Variants in SLC9C1 observed in about 807,000 individuals in gnomAD.
SLC9C1 encodes sodium/hydrogen exchanger 10.
In SLC9C1, 97 loss-of-function variants were observed where a neutral mutation model predicts 140.9. The observed-to-expected ratio is 0.69, with a 90% CI of 0.58 to 0.82. The LOEUF (loss-of-function observed/expected upper bound fraction) is 0.82. SLC9C1 is among the 40% of genes least tolerant of loss of function. The pLI is 0.00. For missense variants in SLC9C1, 1,340 were observed against 1,389.3 expected (o/e 0.96, Z 0.56); for synonymous variants, 440 against 442.6 (o/e 0.99, Z 0.07).
chr3:112,275,792 C>T (rs1049675843), intron 5 of SLC9C1, among the ~76,000 whole-genome samples: 1 of 152,134 alleles, frequency 6.6e-6, no homozygotes, highest in Admixed American at 6.6e-5. Flanking sequence ...CTGTGTGGCT[C>T]AATTGCCTTG....
chr3:112,159,131 A>G (rs940736073), intron 26 of SLC9C1, among the ~76,000 whole-genome samples: 8 of 151,030 alleles, frequency 5.3e-5, no homozygotes, highest in Non-Finnish European at 8.9e-5. Context: ...GTGGGTATTT[A>G]TTGCTATAGA....
chr3:112,210,158 C>G (rs1286330711), intron 15 of SLC9C1, among the ~76,000 whole-genome samples: 2 of 152,066 alleles, frequency 1.3e-5, no homozygotes, highest in Non-Finnish European at 2.9e-5. Context: ...GCAATTTTGC[C>G]CCTGGGATAT....
In SLC9C1 at chr3:112,244,092, A is replaced by G. The variant is rs933880536; in HGVS notation, c.1198-16T>C. On this transcript the variant is annotated splice_polypyrimidine_tract_variant and intron_variant, in intron 10 of 28. Transcript: ENST00000305815. ...GAAATAATATCTAGAATTGAAAAAA[A>G]TACAAAGTAAGTATTCATGACAATT... 1 of 1,506,638 alleles carries G rather than the reference A, an allele frequency of 6.6e-7. No individual in the cohort carries two copies. The highest frequency in any genetic ancestry group is 1.8e-4 in the Middle Eastern group (1 of 5,524). The allele number at this position is 1,506,638 out of a possible 1,614,324, so 93.3% of individuals were successfully genotyped here.
chr3:112,186,301 T>A (rs1263581307), intron 20 of SLC9C1, among the ~76,000 whole-genome samples: 1 of 152,202 alleles, frequency 6.6e-6, no homozygotes, highest in Non-Finnish European at 1.5e-5. Flanking sequence ...TTCTCTTATG[T>A]CACCTTCTAG....
At position 112,208,321 on chromosome 3, in the gene SLC9C1, G is replaced by C; in HGVS notation, c.1843C>G (p.His615Asp). The C allele has an allele frequency of 6.2e-7, 1 of 1,605,100 alleles. No homozygotes were observed. The highest frequency in any genetic ancestry group is 8.5e-7 in the Non-Finnish European group (1 of 1,175,264). ...HTIVFTEEFE[H>D]VGYLVILMNI... is the part of the protein sequence containing the mutation. ...ATTAATATCACAAGGTATCCAACAT[G>C]TTCAAATTCCTCAGTAAATACTATT... is the stretch of plus-strand genomic sequence containing the variant. Residue 615 changes from histidine (H) to aspartate (D), a missense_variant, in exon 16 of 29, where the codon CAT (histidine) becomes GAT (aspartate). Coordinates refer to ENST00000305815, the MANE Select transcript of SLC9C1 (RefSeq NM_183061.3).
intron 16 of SLC9C1, among the ~76,000 whole-genome samples, chr3:112,204,941 G>C (rs1222904305): frequency 6.6e-6 from 1 of 151,986 alleles, no homozygotes; most frequent in Non-Finnish European, 1.5e-5. Flanking sequence ...AAATTCACTT[G>C]TGTAATTTCA....
intron 7 of SLC9C1, among the ~76,000 whole-genome samples, chr3:112,269,011 ACT>A (rs1179739738): frequency 6.6e-6 from 1 of 152,194 alleles, no homozygotes; most frequent in African/African-American, 2.4e-5. Context: ...ATTGATAGAT[ACT>A]CTAACATTTA....
chr3:112,170,304 A>T (rs1200883324), intron 23 of SLC9C1, among the ~76,000 whole-genome samples: 3 of 152,138 alleles, frequency 2.0e-5, no homozygotes, highest in Admixed American at 2.0e-4. Context: ...TTTACAAGGA[A>T]CTCGAATAGC....
chr3:112,219,043 A>G (rs1403348573), intron 14 of SLC9C1, among the ~76,000 whole-genome samples: 2 of 152,196 alleles, frequency 1.3e-5, no homozygotes, highest in Non-Finnish European at 2.9e-5. Context: ...AACAGCATCT[A>G]ATAAGATTCT....
In SLC9C1 at chr3:112,154,628, C is replaced by T. The variant is rs539496005; in HGVS notation, c.3417+369G>A. 3.9e-5 allele frequency among the ~76,000 whole-genome samples: 6 copies of T among 152,288 alleles called. No individual in the cohort carries two copies. In the East Asian group the frequency reaches 1.2e-3, roughly 29 times the overall value. On this transcript the variant is annotated intron_variant, in intron 27 of 28. Transcript: ENST00000305815. ...CTTTCAGGCTTAAAGATCCCAAATGCATAGCTGAGGTAGCACTGAAAGAAT... is the reference window on the plus strand; with the variant it reads ...CTTTCAGGCTTAAAGATCCCAAATGTATAGCTGAGGTAGCACTGAAAGAAT...
At chr3:112,242,001 G>A (rs1411068692) in intron 11 of SLC9C1, among the ~76,000 whole-genome samples, 1 of 152,060 alleles carries the variant, frequency 6.6e-6, no homozygotes, top group Non-Finnish European at 1.5e-5. Flanking sequence ...AGTCCTAGAA[G>A]AAAACCCAGG....
At chr3:112,194,929 T>C (rs181378136) in intron 20 of SLC9C1, among the ~76,000 whole-genome samples, 1 of 152,314 alleles carries the variant, frequency 6.6e-6, no homozygotes, top group Non-Finnish European at 1.5e-5. Context: ...TATTGGCCAC[T>C]TGAGTGTCTT....
At position 112,204,304 on chromosome 3, in the gene SLC9C1, C is replaced by T. The variant is rs1270177644; in HGVS notation, c.2086G>A (p.Asp696Asn). The T allele has an allele frequency of 6.4e-7, 1 of 1,564,322 alleles. No individual in the cohort carries two copies. The highest frequency in any genetic ancestry group is 8.6e-7 in the Non-Finnish European group (1 of 1,162,238). ...TCATTAAAAATATACTTAATGGTGTCTATTTCAATAAGTATTACATGTAAG... is the reference window on the plus strand; with the variant it reads ...TCATTAAAAATATACTTAATGGTGTTTATTTCAATAAGTATTACATGTAAG... Reference protein sequence around the residue: ...GILHVILIEIDTIKYIFNETE... With the variant: ...GILHVILIEINTIKYIFNETE... The change falls in exon 17 of 29, where the codon GAC (aspartate) becomes AAC (asparagine). Residue 696 changes from aspartate to asparagine, a missense_variant. Transcript: ENST00000305815.
At chr3:112,167,564 C>T (rs890993158) in intron 25 of SLC9C1, among the ~76,000 whole-genome samples, 9 of 151,924 alleles carry the variant, frequency 5.9e-5, no homozygotes, top group African/African-American at 2.2e-4. Flanking sequence ...TTAAATATTT[C>T]TATTCCATAT....
intron 26 of SLC9C1, among the ~76,000 whole-genome samples, chr3:112,159,667 C>G (rs1031568226): frequency 3.9e-5 from 6 of 152,034 alleles, no homozygotes; most frequent in East Asian, 1.9e-4. Flanking sequence ...TTGAAGTCCC[C>G]TACTACTATT....
Position 112,182,222 on chromosome 3 carries a change from G to A in SLC9C1, c.2560C>T (p.Gln854Ter), listed in dbSNP as rs765570608. The change falls in exon 21 of 29, where the codon CAA (glutamine) becomes TAA (stop). Residue 854 changes from glutamine (Q) to a stop codon, truncating the protein, a stop_gained. Coordinates refer to ENST00000305815, the MANE Select transcript of SLC9C1 (RefSeq NM_183061.3). LOFTEE classifies it high-confidence loss of function. ...ACAGTAAGAGGCCTGATAATAGATT[G>A]AGAATCAAGCACCTCTTTCTTTTTG... is the stretch of plus-strand genomic sequence containing the variant. ...MAKKKEVLDS[Q>*]SIIRPLTVEE... The A allele has an allele frequency of 6.2e-7, 1 of 1,606,086 alleles. No homozygotes were observed. The highest frequency in any genetic ancestry group is 2.2e-5 in the East Asian group (1 of 44,522).
At chr3:112,251,539 C>G (rs895089320) in intron 10 of SLC9C1, among the ~76,000 whole-genome samples, 8 of 152,152 alleles carry the variant, frequency 5.3e-5, no homozygotes, top group Non-Finnish European at 1.2e-4. Flanking sequence ...TGAACGTACT[C>G]TAGGAAAGGA....
chr3:112,210,783 C>T (rs571143370), intron 15 of SLC9C1, among the ~76,000 whole-genome samples: 1 of 152,186 alleles, frequency 6.6e-6, no homozygotes, highest in East Asian at 1.9e-4. Context: ...GCTATTTATG[C>T]CCTGTGACAC....
At chr3:112,230,176 C>G (rs575822294) in intron 13 of SLC9C1, among the ~76,000 whole-genome samples, 3 of 152,144 alleles carry the variant, frequency 2.0e-5, no homozygotes, top group African/African-American at 4.8e-5. Context: ...AGATGTTTCT[C>G]TATCCTGTTC....
Sources: gnomAD v4.1 joint callset for allele counts (sites outside exome capture counted in the v4.1 genomes callset) on GRCh38, gnomAD v4.1.1 for gene constraint, MANE v1.5 for transcripts, NCBI Gene and HGNC (gene_info 2026-07-23, HGNC 2026-07-21) for gene names.